AKT3: variants seen among roughly 807,000 people sequenced by gnomAD.
AKT3 encodes the protein AKT serine/threonine kinase 3, also known as RAC-gamma serine/threonine-protein kinase.
AKT3 carries 15 observed loss-of-function variants against 65.3 expected under a neutral mutation model. The observed-to-expected ratio is 0.23, with a 90% CI of 0.15 to 0.35. The LOEUF (loss-of-function observed/expected upper bound fraction) is 0.35. Ranked by LOEUF, AKT3 falls within the 10% of genes least tolerant of loss-of-function variation. The probability of loss-of-function intolerance (pLI) is 1.00; values close to 1 mark genes in which losing one functional copy is unlikely to be tolerated. For missense variants in AKT3, 243 were observed against 576.5 expected (o/e 0.42, Z 5.92); for synonymous variants, 206 against 183.8 (o/e 1.12, Z -0.98).
At chr1:243,511,452 C>T (rs1011828243) in intron 13 of AKT3, among the ~76,000 whole-genome samples, 8 of 152,060 alleles carry the variant, frequency 5.3e-5, no homozygotes, top group African/African-American at 1.9e-4. Flanking sequence ...ACACTGAGTC[C>T]ACATCAGCAC....
intron 2 of AKT3, among the ~76,000 whole-genome samples, chr1:243,806,978 GCAATATCAT>G (rs1250087767): frequency 1.3e-5 from 2 of 152,102 alleles, no homozygotes; most frequent in Non-Finnish European, 2.9e-5. Flanking sequence ...ACTGATTCAG[GCAATATCAT>G]CAATGGAGGT....
intron 12 of AKT3, among the ~76,000 whole-genome samples, chr1:243,527,820 C>A (rs1018279140): frequency 1.4e-5 from 2 of 144,900 alleles, no homozygotes; most frequent in Admixed American, 6.8e-5. Flanking sequence ...GAGCTGTGAT[C>A]GTGCCACTGC....
chr1:243,717,269 T>C (rs1003978516), intron 2 of AKT3, among the ~76,000 whole-genome samples: 3 of 152,222 alleles, frequency 2.0e-5, no homozygotes, highest in African/African-American at 4.8e-5. Flanking sequence ...TCTTTTAGTA[T>C]ACTAGGTAAT....
intron 1 of AKT3, 146 bp downstream of exon 1, chr1:243,849,894 G>C: frequency 1.8e-6 from 1 of 543,984 alleles, no homozygotes; most frequent in Non-Finnish European, 2.3e-6. Context: ...CCCCCGGCGC[G>C]GTGACAACCC....
intron 2 of AKT3, among the ~76,000 whole-genome samples, chr1:243,818,946 A>T (rs1693694064): frequency 6.6e-6 from 1 of 152,202 alleles, no homozygotes; most frequent in Non-Finnish European, 1.5e-5. Context: ...CCCTCAGCCA[A>T]GGGAGGCAGT....
At chr1:243,647,932 C>T (rs1190677592) in intron 4 of AKT3, among the ~76,000 whole-genome samples, 3 of 152,056 alleles carry the variant, frequency 2.0e-5, no homozygotes, top group Non-Finnish European at 2.9e-5. Flanking sequence ...TTCTAGCCAT[C>T]TGCATATTTT....
At chr1:243,512,854 G>T (rs564948349) in intron 12 of AKT3, among the ~76,000 whole-genome samples, 2 of 152,310 alleles carry the variant, frequency 1.3e-5, no homozygotes, top group South Asian at 2.1e-4. Context: ...GCTATCACCA[G>T]GTTACAGATG....
chr1:243,750,691 CCTG>C (rs1688759186), intron 2 of AKT3, among the ~76,000 whole-genome samples: 1 of 151,556 alleles, frequency 6.6e-6, no homozygotes, highest in Admixed American at 6.6e-5. Flanking sequence ...AAGTGATTCT[CCTG>C]CTTCAGCTTC....
intron 4 of AKT3, among the ~76,000 whole-genome samples, chr1:243,662,466 A>T (rs1682433512): frequency 6.6e-6 from 1 of 150,820 alleles, no homozygotes; most frequent in East Asian, 2.0e-4. Flanking sequence ...ACAAAAAACC[A>T]AACACCACAT....
chr1:243,657,370 G>A (rs1388065052), intron 4 of AKT3, among the ~76,000 whole-genome samples: 1 of 151,986 alleles, frequency 6.6e-6, no homozygotes, highest in Non-Finnish European at 1.5e-5. Flanking sequence ...GCAGCCCAAA[G>A]GGACTAAGGC....
chr1:243,652,381 T>C (rs1031942239), intron 4 of AKT3, among the ~76,000 whole-genome samples: 2 of 151,958 alleles, frequency 1.3e-5, no homozygotes, highest in Non-Finnish European at 2.9e-5. Context: ...CTAAGCTTCG[T>C]AAGTGAAGGA....
chr1:243,496,297 G>A (rs1374224284), downstream of AKT3, among the ~76,000 whole-genome samples: 1 of 152,222 alleles, frequency 6.6e-6, no homozygotes, highest in Non-Finnish European at 1.5e-5. Flanking sequence ...GGCTGGAACA[G>A]CTGCCGAGCC....
intron 2 of AKT3, among the ~76,000 whole-genome samples, chr1:243,842,872 G>C (rs1399639440): frequency 6.6e-6 from 1 of 152,090 alleles, no homozygotes; most frequent in African/African-American, 2.4e-5. Context: ...AACACTTTCT[G>C]TAACACGCTA....
At chr1:243,541,485 C>CT (rs960518148) in intron 12 of AKT3, among the ~76,000 whole-genome samples, 14 of 151,974 alleles carry the variant, frequency 9.2e-5, no homozygotes, top group Non-Finnish European at 1.6e-4. Context: ...CCACGCTCAT[C>CT]TTTTTTTCTC....
intron 12 of AKT3, among the ~76,000 whole-genome samples, chr1:243,514,872 T>G (rs1670250253): frequency 6.6e-6 from 1 of 152,134 alleles, no homozygotes; most frequent in African/African-American, 2.4e-5. Flanking sequence ...TTTTGACATA[T>G]GTATATACCC....
At chr1:243,721,764 A>G (rs1257646401) in intron 2 of AKT3, among the ~76,000 whole-genome samples, 2 of 152,142 alleles carry the variant, frequency 1.3e-5, no homozygotes, top group East Asian at 1.9e-4. Context: ...GTATCAAAAT[A>G]TTTGTAGAAT....
chr1:243,530,270 T>C (rs556906041), intron 12 of AKT3, among the ~76,000 whole-genome samples: 1 of 152,254 alleles, frequency 6.6e-6, no homozygotes, highest in African/African-American at 2.4e-5. Flanking sequence ...TCTGCAAACA[T>C]GGATGGTTTA....
chr1:243,593,875 G>C (rs574222932), intron 8 of AKT3, among the ~76,000 whole-genome samples: 1 of 151,974 alleles, frequency 6.6e-6, no homozygotes, highest in Non-Finnish European at 1.5e-5. Context: ...CCGAGACAGG[G>C]AACAAAAACA....
chr1:243,553,039 A>T, intron 10 of AKT3, 96 bp from the exon 11 acceptor site: 1 of 993,842 alleles, frequency 1.0e-6, no homozygotes, highest in Non-Finnish European at 1.4e-6. Context: ...ATGAATCTTA[A>T]CTTTCAAAGC....
Sources: gnomAD v4.1 joint callset for allele counts (sites outside exome capture counted in the v4.1 genomes callset) on GRCh38, gnomAD v4.1.1 for gene constraint, MANE v1.5 for transcripts, NCBI Gene and HGNC (gene_info 2026-07-23, HGNC 2026-07-21) for gene names.